The following CSNK2A1 variants were observed in gnomAD, a reference collection of about 807,000 sequenced individuals.
The protein encoded by CSNK2A1 is casein kinase II subunit alpha.
Under a neutral mutation model 62.9 loss-of-function variants are expected in CSNK2A1, and 10 were observed. That is an observed-to-expected ratio of 0.16 (90% CI 0.10 to 0.27). CSNK2A1 has a LOEUF of 0.27. CSNK2A1 is among the 10% of genes least tolerant of loss of function. CSNK2A1 has a pLI of 1.00. For synonymous variants in CSNK2A1, 124 were observed against 167.8 expected, an observed-to-expected ratio of 0.74 and a Z score of 2.02; for missense variants, 160 against 492.0, an observed-to-expected ratio of 0.33 and a Z score of 6.38.
At chr20:487,243 T>C (rs747350674) in intron 12 of CSNK2A1, 184 bp downstream of exon 12, 4 of 757,646 alleles carry the variant, frequency 5.3e-6, no homozygotes, top group Non-Finnish European at 8.4e-6. Context: ...TCATGTATTC[T>C]GTTACAGAAG....
intron 11 of CSNK2A1, chr20:488,040 CTTT>C (rs530136543): frequency 1.4e-3 from 201 of 142,918 alleles, no homozygotes; most frequent in South Asian, 3.8e-3. Flanking sequence ...TGCATATAGC[CTTT>C]TTTTTTTTTT....
intron 3 of CSNK2A1, among the ~76,000 whole-genome samples, chr20:505,609 G>A (rs1019796529): frequency 3.3e-5 from 5 of 150,816 alleles, no homozygotes; most frequent in East Asian, 2.0e-4. Flanking sequence ...TGATTCGTCC[G>A]CCTCGGCCTC....
At chr20:532,643 C>T (rs1269603634) in intron 1 of CSNK2A1, among the ~76,000 whole-genome samples, 1 of 152,120 alleles carries the variant, frequency 6.6e-6, no homozygotes, top group African/African-American at 2.4e-5. Context: ...CTGTAACGCA[C>T]CCTAACACAA....
chr20:484,116 C>T, intron 13 of CSNK2A1, 40 bp from the exon 14 acceptor site: 2 of 1,469,644 alleles, frequency 1.4e-6, no homozygotes, highest in South Asian at 1.3e-5. Context: ...AGACACCAAC[C>T]ATGGCAATCT....
chr20:517,801 G>A (rs1231400174), intron 2 of CSNK2A1, among the ~76,000 whole-genome samples: 5 of 152,218 alleles, frequency 3.3e-5, no homozygotes, highest in East Asian at 3.9e-4. Context: ...CACATGCAAC[G>A]TGGCATCAGG....
chr20:520,748 C>T, intron 2 of CSNK2A1, among the ~76,000 whole-genome samples: 1 of 152,160 alleles, frequency 6.6e-6, no homozygotes, highest in Non-Finnish European at 1.5e-5. Flanking sequence ...GATCCACCTG[C>T]CTTGGCCTCC....
chr20:521,855 C>A (rs2018955878), intron 2 of CSNK2A1, among the ~76,000 whole-genome samples: 1 of 152,146 alleles, frequency 6.6e-6, no homozygotes, highest in Non-Finnish European at 1.5e-5. Context: ...TCCCAAAGTG[C>A]TAGGATTACA....
At chr20:486,323 G>A in intron 13 of CSNK2A1, 53 bp downstream of exon 13, 2 of 1,601,936 alleles carry the variant, frequency 1.2e-6, no homozygotes, top group East Asian at 2.2e-5. Flanking sequence ...ACAAAGCTAA[G>A]AACAGTAATT....
At chr20:533,967 A>G (rs1214581852) in intron 1 of CSNK2A1, among the ~76,000 whole-genome samples, 1 of 152,218 alleles carries the variant, frequency 6.6e-6, no homozygotes, top group Non-Finnish European at 1.5e-5. Context: ...TAAAGTCACA[A>G]TGTGAAACTT....
At chr20:512,035 C>A (rs1357679781) in intron 2 of CSNK2A1, among the ~76,000 whole-genome samples, 2 of 152,208 alleles carry the variant, frequency 1.3e-5, no homozygotes, top group East Asian at 3.9e-4. Flanking sequence ...TACATCCTTA[C>A]TAACACTTGT....
Position 508,492 on chromosome 20 carries a change from A to G in CSNK2A1, c.60T>C (p.Pro20=), listed in dbSNP as rs1468595971. The G allele has an allele frequency of 6.2e-7, 1 of 1,614,060 alleles. No individual in the cohort carries two copies. Among genetic ancestry groups the G allele is most frequent in the African/African-American group, 1.3e-5 (1 of 74,916 alleles). ...RVYTDVNTHR[P]REYWDYESHV... ...GTGACTCGTAATCCCAGTATTCTCGAGGTCTGTGTGTATTAACATCTGTGT... is the reference window on the plus strand; with the variant it reads ...GTGACTCGTAATCCCAGTATTCTCGGGGTCTGTGTGTATTAACATCTGTGT... The change falls in exon 3 of 14, where the codon CCT becomes CCC. Residue 20 remains proline (P), a synonymous_variant. Coordinates refer to ENST00000217244, the MANE Select transcript of CSNK2A1 (RefSeq NM_177559.3).
chr20:495,876 A>C, intron 7 of CSNK2A1, 74 bp from the exon 8 acceptor site: 5 of 1,366,902 alleles, frequency 3.7e-6, no homozygotes, highest in Non-Finnish European at 5.2e-6. Flanking sequence ...CCTCCATGTA[A>C]ATTTTCCTTT....
intron 13 of CSNK2A1, among the ~76,000 whole-genome samples, chr20:485,139 A>G (rs867586578): frequency 5.0e-5 from 4 of 80,374 alleles, no homozygotes; most frequent in Admixed American, 1.6e-4. Flanking sequence ...TATATATATG[A>G]GAACATTATT....
intron 7 of CSNK2A1, 64 bp downstream of exon 7, chr20:497,657 C>A: frequency 7.3e-7 from 1 of 1,362,064 alleles, no homozygotes; most frequent in Non-Finnish European, 1.0e-6. Flanking sequence ...TTTCTACCAT[C>A]AATTGACTAT....
rs567462038 is a variant in CSNK2A1, at chr20:534,807, T to C, written c.-226-6758A>G. Among the ~76,000 whole-genome samples, 30 of 150,572 alleles carry C rather than the reference T, an allele frequency of 2.0e-4. No homozygotes were observed. In the South Asian group the frequency reaches 4.6e-3, roughly 23 times the overall value. The stretch of plus-strand genomic sequence containing the variant: ...ACTTTGGGAGGCCGAGATGGGTGGA[T>C]TGCCTGAGCTCAGGTGTTAGAGACC... On this transcript the variant is annotated intron_variant, in intron 1 of 13. Transcript: ENST00000217244.
chr20:479,893 T>A lies in CSNK2A1; in HGVS notation c.*4068A>T, dbSNP rs2017921084. 6.6e-6 allele frequency: 1 copy of A among 152,218 alleles called. No homozygotes were observed. Among genetic ancestry groups the A allele is most frequent in the Non-Finnish European group, 1.5e-5 (1 of 68,036 alleles). 9.4% of individuals were successfully genotyped at this position (152,218 alleles called of 1,614,324 possible). Reference sequence around the variant, plus strand: ...TATTTGGAATATTTCAAATTTCAGATTAGGAATATTGAACTGGTATGTATT... The same window carrying A: ...TATTTGGAATATTTCAAATTTCAGAATAGGAATATTGAACTGGTATGTATT... On this transcript the variant is annotated 3_prime_UTR_variant, in exon 14 of 14. Coordinates refer to ENST00000217244, the MANE Select transcript of CSNK2A1 (RefSeq NM_177559.3).
intron 7 of CSNK2A1, chr20:496,142 T>C (rs2018342787): frequency 4.4e-6 from 1 of 228,684 alleles, no homozygotes; most frequent in South Asian, 7.4e-5. Flanking sequence ...AGAAAACAGA[T>C]CTTTACTACA....
intron 13 of CSNK2A1, among the ~76,000 whole-genome samples, chr20:485,098 A>AT (rs2018055601): frequency 1.9e-5 from 1 of 53,472 alleles, no homozygotes; most frequent in African/African-American, 6.6e-5. Flanking sequence ...AAAAAAAAAA[A>AT]AAAAAAAAAA....
At position 477,471 on chromosome 20, in the gene CSNK2A1, T is replaced by C. The variant is rs2017870011; in HGVS notation, c.*6490A>G. 1 of 152,308 alleles carries C rather than the reference T, an allele frequency of 6.6e-6. No individual in the cohort carries two copies. The highest frequency in any genetic ancestry group is 2.4e-5 in the African/African-American group (1 of 41,420). The allele number at this position is 152,308 out of a possible 1,614,324, so 9.4% of individuals were successfully genotyped here. A position where few individuals can be genotyped will look rare whatever the true frequency, so the allele number is the denominator to read the frequency against. On this transcript the variant is annotated 3_prime_UTR_variant, in exon 14 of 14. Coordinates refer to ENST00000217244, the MANE Select transcript of CSNK2A1 (RefSeq NM_177559.3). ...GGTGTGTGGGCCTTCCGTGGTATCT[T>C]AACCTCATCACCCAGAGGCAACAAC...
Sources: gnomAD v4.1 joint callset for allele counts (sites outside exome capture counted in the v4.1 genomes callset) on GRCh38, gnomAD v4.1.1 for gene constraint, MANE v1.5 for transcripts, NCBI Gene and HGNC (gene_info 2026-07-23, HGNC 2026-07-21) for gene names.